The following CHRNA9 variants were observed in gnomAD, a reference collection of about 807,000 sequenced individuals.
CHRNA9 encodes the protein neuronal acetylcholine receptor subunit alpha-9.
A neutral mutation model predicts 36.8 loss-of-function variants in CHRNA9; 24 were observed. The ratio of observed to expected loss-of-function variants is 0.65; its 90% CI spans 0.47 to 0.92. The LOEUF (loss-of-function observed/expected upper bound fraction) is 0.92, where lower values mean the gene tolerates loss of function less well. Ranked by LOEUF, CHRNA9 falls within the 40% of genes least tolerant of loss-of-function variation. The pLI, the probability that CHRNA9 is intolerant of heterozygous loss-of-function variation, is 0.00. For missense variants in CHRNA9, 610 were observed against 601.2 expected (o/e 1.01, Z -0.15); for synonymous variants, 231 against 231.8 (o/e 1.00, Z 0.03).
intron 4 of CHRNA9, chr4:40,349,743 A>G (rs775033169): frequency 8.4e-6 from 2 of 237,320 alleles, no homozygotes; most frequent in Non-Finnish European, 1.7e-5. Flanking sequence ...CTCAGGGCCC[A>G]CCGGAAGCCT....
Position 40,337,139 on chromosome 4 carries a change from A to G in CHRNA9, c.211-71A>G, listed in dbSNP as rs1324108518. 4 of 1,400,530 alleles carry G rather than the reference A, an allele frequency of 2.9e-6. No individual in the cohort carries two copies. The Admixed American group carries it at 7.1e-5, about 25-fold the overall frequency. 86.8% of individuals were successfully genotyped at this position (1,400,530 alleles called of 1,614,324 possible). ...GTTTGTGAAATTCCTATTGTGAAGA[A>G]CAAGTGTCCTATCAGTGGAAAACAT... On this transcript the variant is annotated intron_variant, in intron 2 of 4. Coordinates refer to ENST00000310169, the MANE Select transcript of CHRNA9 (RefSeq NM_017581.4).
chr4:40,348,848 C>T (rs770981888), intron 3 of CHRNA9, 34 bp from the exon 4 acceptor site: 17 of 1,597,826 alleles, frequency 1.1e-5, no homozygotes, highest in Non-Finnish European at 1.5e-5. Flanking sequence ...GTTCTCCTAG[C>T]ATGCGGCTTT....
Position 40,335,535 on chromosome 4 carries a change from A to C in CHRNA9, c.64+4A>C. 1 of 1,608,866 alleles carries C rather than the reference A, an allele frequency of 6.2e-7. No individual in the cohort carries two copies. Among genetic ancestry groups the C allele is most frequent in the Non-Finnish European group, 8.5e-7 (1 of 1,175,200 alleles). ...TTTGCTGCTTCCAGACTGAGAGGTG[A>C]GAGGCTGGTGACACGTAACCTATCT... On this transcript the variant is annotated splice_donor_region_variant and intron_variant, in intron 1 of 4. Transcript: ENST00000310169.
rs1480002151 is a variant in CHRNA9 at position 40,354,338 on chromosome 4, C to CAGTACAA, written c.1262_1268dup (p.Leu424GlnfsTer8). On this transcript the variant is annotated frameshift_variant, in exon 5 of 5. Coordinates refer to ENST00000310169, the MANE Select transcript of CHRNA9 (RefSeq NM_017581.4). LOFTEE classifies it high-confidence loss of function. ...TCAGGAGGCCGAGAGTTACTGTGCA[C>CAGTACAA]AGTACAAAGTGCTGACGAGGAATAT... The CAGTACAA allele has an allele frequency of 6.2e-7, 1 of 1,614,164 alleles. No individual in the cohort carries two copies.
At chr4:40,336,039 G>A in intron 2 of CHRNA9, 67 bp downstream of exon 2, 3 of 1,359,844 alleles carry the variant, frequency 2.2e-6, no homozygotes, top group Admixed American at 1.9e-5. Flanking sequence ...GCTTTCTGAA[G>A]AGAATGTCTT....
intron 3 of CHRNA9, among the ~76,000 whole-genome samples, chr4:40,340,131 T>C (rs1156274170): frequency 6.6e-6 from 1 of 152,184 alleles, no homozygotes; most frequent in Non-Finnish European, 1.5e-5. Flanking sequence ...GCTCCCTTAT[T>C]AGAGAAGCCA....
chr4:40,336,263 G>T (rs997380716), intron 2 of CHRNA9, among the ~76,000 whole-genome samples: 2 of 152,172 alleles, frequency 1.3e-5, no homozygotes, highest in Admixed American at 6.5e-5. Flanking sequence ...AGGTAAATCC[G>T]TAGAGACAGA....
chr4:40,354,026 T>C lies in CHRNA9; in HGVS notation c.946T>C (p.Leu316=), dbSNP rs763419717. ...GGCCCTGATCACAGCCTCCACTGCGTTGACCATCATGGTGATGAATATCCA... is the reference window on the plus strand; with the variant it reads ...GGCCCTGATCACAGCCTCCACTGCGCTGACCATCATGGTGATGAATATCCA... ...TMALITASTA[L]TIMVMNIHFC... is the part of the protein sequence containing the mutation. Residue 316 remains leucine (L), a synonymous_variant, in exon 5 of 5, where the codon TTG becomes CTG. Transcript: ENST00000310169. The C allele has an allele frequency of 6.8e-6, 11 of 1,614,064 alleles. No homozygotes were observed. Among genetic ancestry groups the C allele is most frequent in the Middle Eastern group, 3.3e-4 (2 of 6,060 alleles).
intron 3 of CHRNA9, among the ~76,000 whole-genome samples, chr4:40,341,806 C>T (rs11940697): frequency 0.051 from 7,733 of 152,224 alleles, 618 homozygotes; most frequent in African/African-American, 0.17. Context: ...AGAACGTGGA[C>T]GACCTGTAGT....
intron 3 of CHRNA9, among the ~76,000 whole-genome samples, chr4:40,346,827 T>A (rs1443412335): frequency 1.3e-5 from 2 of 152,092 alleles, no homozygotes; most frequent in African/African-American, 2.4e-5. Context: ...GTTGTTGTTG[T>A]TGAGATGGAG....
chr4:40,339,308 A>G (rs1007688839), intron 3 of CHRNA9, among the ~76,000 whole-genome samples: 1 of 151,026 alleles, frequency 6.6e-6, no homozygotes, highest in Non-Finnish European at 1.5e-5. Flanking sequence ...AAAAGAAAGA[A>G]AAAAGAAAAA....
In CHRNA9 at chr4:40,348,984, G is replaced by A. The variant is rs1712715810; in HGVS notation, c.468G>A (p.Val156=). 6.2e-7 allele frequency: 1 copy of A among 1,614,192 alleles called. No individual in the cohort carries two copies. The highest frequency in any genetic ancestry group is 1.1e-5 in the South Asian group (1 of 91,070). The part of the protein sequence containing the change: ...DAPAITKSSC[V]VDVTYFPFDN... ...CGGCCATCACCAAAAGCTCCTGTGTGGTGGATGTCACCTACTTCCCTTTTG... is the reference window on the plus strand; with the variant it reads ...CGGCCATCACCAAAAGCTCCTGTGTAGTGGATGTCACCTACTTCCCTTTTG... Residue 156 remains valine, a synonymous_variant, in exon 4 of 5, where the codon GTG becomes GTA. Coordinates refer to ENST00000310169, the MANE Select transcript of CHRNA9 (RefSeq NM_017581.4).
Position 40,349,077 on chromosome 4 carries a change from C to A in CHRNA9, c.561C>A (p.Asn187Lys). The A allele has an allele frequency of 6.2e-7, 1 of 1,614,148 alleles. No individual in the cohort carries two copies. The highest frequency in any genetic ancestry group is 8.5e-7 in the Non-Finnish European group (1 of 1,180,004). ...TYNGNQVDIF[N>K]ALDSGDLSDF... is the part of the protein sequence containing the mutation. ...ATGGCAATCAGGTGGACATATTCAACGCCTTGGACAGCGGAGATCTCTCTG... is the reference window on the plus strand; with the variant it reads ...ATGGCAATCAGGTGGACATATTCAAAGCCTTGGACAGCGGAGATCTCTCTG... The change falls in exon 4 of 5, where the codon AAC becomes AAA. Residue 187 changes from asparagine to lysine, a missense_variant. By Grantham distance (94) the Asn-to-Lys change is moderately conservative. Transcript: ENST00000310169.
rs1712289082 is a variant in CHRNA9 at position 40,335,493 on chromosome 4, C to T, written c.26C>T (p.Ser9Phe). Residue 9 changes from serine (S) to phenylalanine (F), a missense_variant, in exon 1 of 5, where the codon TCC becomes TTC. Coordinates refer to ENST00000310169, the MANE Select transcript of CHRNA9 (RefSeq NM_017581.4). MNWSHSCI[S>F]FCWIYFAASR... ...ATGAACTGGTCCCATTCCTGCATCT[C>T]CTTTTGCTGGATCTACTTTGCTGCT... 2 of 1,613,800 alleles carry T rather than the reference C, an allele frequency of 1.2e-6. No homozygotes were observed. The highest frequency in any genetic ancestry group is 1.7e-6 in the Non-Finnish European group (2 of 1,179,654).
At position 40,354,072 on chromosome 4, in the gene CHRNA9, G is replaced by T. The variant is rs1479555056; in HGVS notation, c.992G>T (p.Arg331Leu). The T allele has an allele frequency of 6.2e-7, 1 of 1,614,112 alleles. No homozygotes were observed. The highest frequency in any genetic ancestry group is 1.3e-5 in the African/African-American group (1 of 74,942). ...ATCCACTTCTGTGGGGCCGAGGCCC[G>T]GCCGGTGCCACACTGGGCCAGGGTG... ...MNIHFCGAEA[R>L]PVPHWARVVI... The change falls in exon 5 of 5, where the codon CGG becomes CTG. Residue 331 changes from arginine to leucine, a missense_variant. By Grantham distance (102) the Arg-to-Leu change is moderately radical. Transcript: ENST00000310169.
chr4:40,349,941 T>A (rs550773335), intron 4 of CHRNA9: 1 of 156,730 alleles, frequency 6.4e-6, no homozygotes, highest in African/African-American at 2.4e-5. Context: ...AACAGGCAAG[T>A]TACTTGTTCT....
chr4:40,341,015 G>A (rs959516124), intron 3 of CHRNA9, among the ~76,000 whole-genome samples: 4 of 145,002 alleles, frequency 2.8e-5, no homozygotes, highest in Non-Finnish European at 6.0e-5. Context: ...TAATAACTTC[G>A]GCAATGAATT....
chr4:40,349,271 C>T lies in CHRNA9; in HGVS notation c.755C>T (p.Ser252Phe), dbSNP rs768045217. The T allele has an allele frequency of 2.5e-6, 4 of 1,614,030 alleles. No homozygotes were observed. Among genetic ancestry groups the T allele is most frequent in the Non-Finnish European group, 3.4e-6 (4 of 1,180,030 alleles). ...CTCCTCATCCCATGCGTCCTCATAT[C>T]TTTTCTGGCTCCTCTGAGTTTTTAT... is the stretch of plus-strand genomic sequence containing the variant. ...VNLLIPCVLI[S>F]FLAPLSFYLP... Residue 252 changes from serine (S) to phenylalanine (F), a missense_variant, in exon 4 of 5, where the codon TCT becomes TTT. Coordinates refer to ENST00000310169, the MANE Select transcript of CHRNA9 (RefSeq NM_017581.4).
chr4:40,335,568 T>A, intron 1 of CHRNA9, 37 bp downstream of exon 1: 1 of 1,512,350 alleles, frequency 6.6e-7, no homozygotes, highest in Non-Finnish European at 9.2e-7. Context: ...TCTTGTCTCA[T>A]CTGGGGCTAT....
Sources: gnomAD v4.1 joint callset for allele counts (sites outside exome capture counted in the v4.1 genomes callset) on GRCh38, gnomAD v4.1.1 for gene constraint, MANE v1.5 for transcripts, NCBI Gene and HGNC (gene_info 2026-07-23, HGNC 2026-07-21) for gene names.